The following SEC23A variants were observed in gnomAD, a reference collection of about 807,000 sequenced individuals.
SEC23A encodes SEC23 homolog A, COPII component, also known as protein transport protein Sec23A.
SEC23A carries 56 observed loss-of-function variants against 103.7 expected under a neutral mutation model. The observed-to-expected ratio is 0.54, with a 90% CI of 0.44 to 0.67. SEC23A has a LOEUF of 0.67. Among genes scored for constraint, SEC23A ranks in the 30% least tolerant of loss-of-function variants. SEC23A has a pLI of 0.00. For synonymous variants in SEC23A, 281 were observed against 293.0 expected, an observed-to-expected ratio of 0.96 and a Z score of 0.42; for missense variants, 784 against 936.4, an observed-to-expected ratio of 0.84 and a Z score of 2.12.
rs761848971 is a variant in SEC23A, at chr14:39,096,106, A to G, written c.13T>C (p.Leu5=). MTTY[L]EFIQQNEERD... ...TCTTCATTTTGTTGAATGAATTCCAAATAGGTTGTCATTGTGGAGTTTGAT... is the reference window on the plus strand; with the variant it reads ...TCTTCATTTTGTTGAATGAATTCCAGATAGGTTGTCATTGTGGAGTTTGAT... The change falls in exon 2 of 20, where the codon TTG becomes CTG. Residue 5 remains leucine (L), a synonymous_variant. Coordinates refer to ENST00000307712, the MANE Select transcript of SEC23A (RefSeq NM_006364.4). The G allele has an allele frequency of 3.1e-6, 5 of 1,612,026 alleles. No homozygotes were observed. Among genetic ancestry groups the G allele is most frequent in the Non-Finnish European group, 3.4e-6 (4 of 1,178,072 alleles).
At chr14:39,077,754 A>T (rs1383574550) in intron 7 of SEC23A, among the ~76,000 whole-genome samples, 1 of 151,634 alleles carries the variant, frequency 6.6e-6, no homozygotes, top group Non-Finnish European at 1.5e-5. Flanking sequence ...ACATGGCAAA[A>T]CCCTGTCTCT....
chr14:39,062,655 CTTTG>C (rs796202892), intron 12 of SEC23A, among the ~76,000 whole-genome samples: 250 of 152,028 alleles, frequency 1.6e-3, no homozygotes, highest in African/African-American at 5.7e-3. Context: ...GACATTCTTG[CTTTG>C]TTTTTGTGTG....
chr14:39,089,066 C>G (rs1424864568), intron 5 of SEC23A, among the ~76,000 whole-genome samples: 4 of 142,676 alleles, frequency 2.8e-5, no homozygotes, highest in African/African-American at 1.0e-4. Context: ...CCCAGCTACT[C>G]GGGAGGCTGA....
chr14:39,062,663 T>C (rs1209348025), intron 12 of SEC23A, among the ~76,000 whole-genome samples: 1 of 152,172 alleles, frequency 6.6e-6, no homozygotes, highest in Non-Finnish European at 1.5e-5. Context: ...TGCTTTGTTT[T>C]TGTGTGTTGT....
In SEC23A at chr14:39,045,166, T is replaced by C; in HGVS notation, c.1896A>G (p.Pro632=). ...ILYAYSFSGP[P]EPVLLDSSSI... ...TATTTTTTTCTGTCCCTCTTACCTCTGGTGGTCCACTAAAAGAATACGCAT... is the reference window on the plus strand; with the variant it reads ...TATTTTTTTCTGTCCCTCTTACCTCCGGTGGTCCACTAAAAGAATACGCAT... The change falls in exon 16 of 20, where the codon CCA becomes CCG. Residue 632 remains proline (P), a synonymous_variant. Transcript: ENST00000307712. The C allele has an allele frequency of 6.2e-7, 1 of 1,613,476 alleles. No individual in the cohort carries two copies. The highest frequency in any genetic ancestry group is 8.5e-7 in the Non-Finnish European group (1 of 1,179,618).
At position 39,087,006 on chromosome 14, in the gene SEC23A, T is replaced by G; in HGVS notation, c.606A>C (p.Glu202Asp). ...TKDLSAKQLQ[E>D]MLGLSKVPLT... The stretch of plus-strand genomic sequence containing the variant: ...GTGGTACTTTAGAGAGCCCCAGCAT[T>G]TCCTGTAAAGAGATTACTTGTGCAA... Residue 202 changes from glutamate (E) to aspartate (D), a missense_variant and splice_region_variant, in exon 6 of 20, where the codon GAA becomes GAC. Physicochemically the swap from Glu to Asp is conservative, Grantham distance 45. Coordinates refer to ENST00000307712, the MANE Select transcript of SEC23A (RefSeq NM_006364.4). 2.6e-6 allele frequency: 4 copies of G among 1,543,702 alleles called. No individual in the cohort carries two copies. Among genetic ancestry groups the G allele is most frequent in the Non-Finnish European group, 3.6e-6 (4 of 1,115,754 alleles).
At chr14:39,050,200 T>C (rs72671367) in intron 14 of SEC23A, among the ~76,000 whole-genome samples, 2 of 152,108 alleles carry the variant, frequency 1.3e-5, no homozygotes, top group Admixed American at 6.5e-5. Context: ...AGAAGGTATA[T>C]CCAAGACCCA....
At position 39,055,127 on chromosome 14, in the gene SEC23A, A is replaced by C; in HGVS notation, c.1659+16T>G. 7 of 1,614,052 alleles carry C rather than the reference A, an allele frequency of 4.3e-6. No homozygotes were observed. Among genetic ancestry groups the C allele is most frequent in the Non-Finnish European group, 5.9e-6 (7 of 1,179,916 alleles). On this transcript the variant is annotated intron_variant, in intron 14 of 19. Coordinates refer to ENST00000307712, the MANE Select transcript of SEC23A (RefSeq NM_006364.4). Reference sequence around the variant, plus strand: ...AAAGCATACAGATTTAGAAAAGCACAGTGTTTATTTCTTACCAGTCGAATG... The same window carrying C: ...AAAGCATACAGATTTAGAAAAGCACCGTGTTTATTTCTTACCAGTCGAATG...
At chr14:39,096,290 G>A (rs1027107588) in intron 1 of SEC23A, among the ~76,000 whole-genome samples, 151 bp from the exon 2 acceptor site, 1 of 152,144 alleles carries the variant, frequency 6.6e-6, no homozygotes, top group Admixed American at 6.6e-5. Flanking sequence ...CAGCACTTTG[G>A]GAGGCCGAGA....
chr14:39,038,958 T>G (rs1885544998), intron 19 of SEC23A, 73 bp downstream of exon 19: 1 of 1,289,234 alleles, frequency 7.8e-7, no homozygotes, highest in South Asian at 1.2e-5. Flanking sequence ...AGGAAAAAAA[T>G]GTAGCTTTCA....
chr14:39,062,773 G>A (rs1387965521), intron 12 of SEC23A, among the ~76,000 whole-genome samples: 1 of 151,744 alleles, frequency 6.6e-6, no homozygotes, highest in African/African-American at 2.4e-5. Flanking sequence ...TTAATATTTT[G>A]TGGTTCATTT....
chr14:39,102,914 C>A (rs1461301022), intron 1 of SEC23A, 118 bp downstream of exon 1: 1 of 152,582 alleles, frequency 6.6e-6, no homozygotes, highest in Non-Finnish European at 1.5e-5. Context: ...CGGACCGGGC[C>A]TCAGCCTCCA....
intron 10 of SEC23A, 122 bp from the exon 11 acceptor site, chr14:39,065,115 C>T: frequency 1.4e-6 from 1 of 723,578 alleles, no homozygotes; most frequent in Non-Finnish European, 2.5e-6. Flanking sequence ...TGAAAATATA[C>T]TAACATGAAA....
intron 12 of SEC23A, among the ~76,000 whole-genome samples, chr14:39,062,771 T>C (rs577428940): frequency 9.5e-4 from 144 of 152,256 alleles, no homozygotes; most frequent in Non-Finnish European, 1.4e-3. Flanking sequence ...TGTTAATATT[T>C]TGTGGTTCAT....
intron 16 of SEC23A, among the ~76,000 whole-genome samples, chr14:39,044,782 A>C (rs1885772625): frequency 6.6e-6 from 1 of 152,238 alleles, no homozygotes; most frequent in South Asian, 2.1e-4. Context: ...GAATGTCATA[A>C]CTGTCACAGA....
rs11628784 is a variant in SEC23A at position 39,074,777 on chromosome 14, C to G, written c.988-247G>C. On this transcript the variant is annotated intron_variant, in intron 8 of 19. Coordinates refer to ENST00000307712, the MANE Select transcript of SEC23A (RefSeq NM_006364.4). The stretch of plus-strand genomic sequence containing the variant: ...AAATGAAGCCAAACTTAAAGAAAGT[C>G]CTATTGCATATCTTGTTCTTCCTAT... 0.17 allele frequency among the ~76,000 whole-genome samples: 25,866 copies of G among 152,180 alleles called. 3,017 individuals carry two copies. Among genetic ancestry groups the G allele is most frequent in the African/African-American group, 0.32 (13,164 of 41,494 alleles).
chr14:39,052,785 T>C (rs1190329566), intron 14 of SEC23A, among the ~76,000 whole-genome samples: 1 of 152,092 alleles, frequency 6.6e-6, no homozygotes, highest in East Asian at 1.9e-4. Flanking sequence ...CACACAGTTG[T>C]TGAGAAAAGA....
At chr14:39,070,955 G>T (rs1291661810) in intron 9 of SEC23A, among the ~76,000 whole-genome samples, 1 of 151,984 alleles carries the variant, frequency 6.6e-6, no homozygotes, top group African/African-American at 2.4e-5. Context: ...TGAACCCAGG[G>T]GGCGGAGGTT....
chr14:39,062,473 C>G (rs1886510319), intron 12 of SEC23A, among the ~76,000 whole-genome samples: 1 of 152,066 alleles, frequency 6.6e-6, no homozygotes, highest in Non-Finnish European at 1.5e-5. Context: ...AAGTCCTCCT[C>G]CCCTAGGTAT....
Sources: allele counts gnomAD v4.1 joint callset (sites outside exome capture counted in the v4.1 genomes callset), GRCh38; gene constraint gnomAD v4.1.1; transcripts MANE v1.5; gene names NCBI Gene and HGNC (gene_info 2026-07-23, HGNC 2026-07-21).